AP1S3: variants seen among roughly 807,000 people sequenced by gnomAD.
The protein encoded by AP1S3 is adaptor related protein complex 1 subunit sigma 3, also known as AP-1 complex subunit sigma-3.
AP1S3 carries 10 observed loss-of-function variants against 20.9 expected under a neutral mutation model. The observed-to-expected ratio is 0.48, with a 90% CI of 0.29 to 0.81. AP1S3 has a LOEUF of 0.81. AP1S3 is among the 30% of genes least tolerant of loss of function. The probability of loss-of-function intolerance (pLI) is 0.08; values close to 1 mark genes in which losing one functional copy is unlikely to be tolerated. For synonymous variants in AP1S3, 41 were observed against 61.5 expected, an observed-to-expected ratio of 0.67 and a Z score of 1.56; for missense variants, 154 against 183.8, an observed-to-expected ratio of 0.84 and a Z score of 0.94.
intron 3 of AP1S3, chr2:223,773,449 T>G: frequency 8.4e-7 from 1 of 1,186,748 alleles, no homozygotes; most frequent in Non-Finnish European, 1.1e-6. Flanking sequence ...ATTATACATT[T>G]GCAAATTTCT....
intron 4 of AP1S3, among the ~76,000 whole-genome samples, chr2:223,764,264 T>G (rs1260675522): frequency 6.6e-6 from 1 of 152,186 alleles, no homozygotes; most frequent in Non-Finnish European, 1.5e-5. Flanking sequence ...TGGATCCTCT[T>G]GACCTACTTA....
chr2:223,827,157 G>A (rs146844866), intron 1 of AP1S3, among the ~76,000 whole-genome samples: 31 of 152,248 alleles, frequency 2.0e-4, no homozygotes, highest in African/African-American at 7.2e-4. Flanking sequence ...GATGGTTGAT[G>A]TAGACTAGAT....
intron 1 of AP1S3, among the ~76,000 whole-genome samples, chr2:223,804,983 G>C (rs755606502): frequency 1.1e-4 from 16 of 152,320 alleles, no homozygotes; most frequent in African/African-American, 3.6e-4. Flanking sequence ...ACAACCGTGA[G>C]TCAAATGAAA....
chr2:223,773,434 A>G, intron 3 of AP1S3: 1 of 1,240,358 alleles, frequency 8.1e-7, no homozygotes, highest in Non-Finnish European at 1.1e-6. Flanking sequence ...GTTTGAAAAC[A>G]TGTTATTATA....
intron 1 of AP1S3, among the ~76,000 whole-genome samples, chr2:223,800,547 T>G (rs1483331895): frequency 6.6e-6 from 1 of 151,816 alleles, no homozygotes; most frequent in African/African-American, 2.4e-5. Flanking sequence ...AAAAATCAAT[T>G]AATATAATTT....
At chr2:223,760,433 G>T (rs1437745727) in intron 4 of AP1S3, among the ~76,000 whole-genome samples, 16 of 152,172 alleles carry the variant, frequency 1.1e-4, no homozygotes, top group Admixed American at 9.8e-4. Context: ...TTTCTAACTG[G>T]TTTTCACCAA....
chr2:223,823,245 A>G (rs1692033705), intron 1 of AP1S3, among the ~76,000 whole-genome samples: 1 of 152,214 alleles, frequency 6.6e-6, no homozygotes, highest in South Asian at 2.1e-4. Flanking sequence ...CTGAGTATAT[A>G]CCCAAGGGAT....
At chr2:223,766,244 T>C (rs1690475883) in intron 3 of AP1S3, among the ~76,000 whole-genome samples, 1 of 152,242 alleles carries the variant, frequency 6.6e-6, no homozygotes, top group African/African-American at 2.4e-5. Context: ...GAGAAGCGTC[T>C]GTTCATATCC....
intron 1 of AP1S3, among the ~76,000 whole-genome samples, chr2:223,783,887 G>A (rs550767860): frequency 6.6e-6 from 1 of 152,274 alleles, no homozygotes; most frequent in East Asian, 1.9e-4. Context: ...ATGTTTAGGG[G>A]CTATTACCAC....
At chr2:223,811,994 C>T (rs967591001) in intron 1 of AP1S3, among the ~76,000 whole-genome samples, 10 of 152,206 alleles carry the variant, frequency 6.6e-5, no homozygotes, top group Non-Finnish European at 1.3e-4. Flanking sequence ...CAAGGTTCAA[C>T]TTTAACTATC....
chr2:223,823,863 T>C (rs1692054474), intron 1 of AP1S3, among the ~76,000 whole-genome samples: 1 of 152,238 alleles, frequency 6.6e-6, no homozygotes, highest in Non-Finnish European at 1.5e-5. Context: ...TGTAAATTTA[T>C]ACAATTTTTA....
chr2:223,778,419 C>A (rs1300030668), intron 1 of AP1S3, among the ~76,000 whole-genome samples: 3 of 151,796 alleles, frequency 2.0e-5, no homozygotes, highest in Non-Finnish European at 4.4e-5. Context: ...AGTCACCACA[C>A]CTGGCTTTAT....
At chr2:223,829,373 T>A (rs1366037864) in intron 1 of AP1S3, among the ~76,000 whole-genome samples, 2 of 152,058 alleles carry the variant, frequency 1.3e-5, no homozygotes, top group Admixed American at 1.3e-4. Context: ...ATGTCTATAA[T>A]CCCAACACTT....
chr2:223,797,465 A>G (rs1011112304), intron 1 of AP1S3, among the ~76,000 whole-genome samples: 2 of 152,154 alleles, frequency 1.3e-5, no homozygotes, highest in African/African-American at 4.8e-5. Context: ...GTCAATTAAT[A>G]ATAATAAAAC....
At chr2:223,790,233 C>A (rs1386760613) in intron 1 of AP1S3, among the ~76,000 whole-genome samples, 1 of 140,984 alleles carries the variant, frequency 7.1e-6, no homozygotes, top group Non-Finnish European at 1.5e-5. Context: ...TGCCTCCAGT[C>A]TTTTTTTTTT....
At chr2:223,800,005 A>G (rs1023255674) in intron 1 of AP1S3, among the ~76,000 whole-genome samples, 1 of 152,096 alleles carries the variant, frequency 6.6e-6, no homozygotes, top group Non-Finnish European at 1.5e-5. Context: ...ACTTGAGGTC[A>G]GGAGTTCGAG....
At chr2:223,824,662 G>A (rs1366781471) in intron 1 of AP1S3, among the ~76,000 whole-genome samples, 1 of 151,894 alleles carries the variant, frequency 6.6e-6, no homozygotes, top group Non-Finnish European at 1.5e-5. Flanking sequence ...CTCAGCCTCC[G>A]GAGTGGCTGG....
chr2:223,832,533 G>A (rs891621248), intron 1 of AP1S3, among the ~76,000 whole-genome samples: 1 of 151,816 alleles, frequency 6.6e-6, no homozygotes, highest in Non-Finnish European at 1.5e-5. Flanking sequence ...CAAAGCCCTC[G>A]ATCTTACACT....
chr2:223,804,036 T>C (rs1444359874), intron 1 of AP1S3, among the ~76,000 whole-genome samples: 2 of 152,154 alleles, frequency 1.3e-5, no homozygotes, highest in African/African-American at 4.8e-5. Context: ...AATTATACAA[T>C]CCACCCTACC....
Sources: gnomAD v4.1 joint callset for allele counts (sites outside exome capture counted in the v4.1 genomes callset) on GRCh38, gnomAD v4.1.1 for gene constraint, MANE v1.5 for transcripts, NCBI Gene and HGNC (gene_info 2026-07-23, HGNC 2026-07-21) for gene names.